METTL14: variants seen among roughly 807,000 people sequenced by gnomAD.
METTL14 encodes the protein methyltransferase 14, N6-adenosine-methyltransferase non-catalytic subunit.
In METTL14, 32 loss-of-function variants were observed where a neutral mutation model predicts 62.4. The ratio of observed to expected loss-of-function variants is 0.51; its 90% CI spans 0.39 to 0.69. METTL14 has a LOEUF of 0.69. Among genes scored for constraint, METTL14 ranks in the 30% least tolerant of loss-of-function variants. The pLI, the probability that METTL14 is intolerant of heterozygous loss-of-function variation, is 0.00. For missense variants in METTL14, 340 were observed against 551.9 expected (o/e 0.62, Z 3.85); for synonymous variants, 150 against 180.0 (o/e 0.83, Z 1.34).
intron 2 of METTL14, 28 bp downstream of exon 2, chr4:118,688,039 T>A: frequency 6.4e-7 from 1 of 1,569,656 alleles, no homozygotes; most frequent in East Asian, 2.2e-5. Flanking sequence ...TTTTTTTTTT[T>A]TTTTTGAGAC....
At chr4:118,699,919 A>AC (rs1463346211) in intron 7 of METTL14, among the ~76,000 whole-genome samples, 1 of 152,148 alleles carries the variant, frequency 6.6e-6, no homozygotes, top group Non-Finnish European at 1.5e-5. Flanking sequence ...TTTGGGTTTC[A>AC]CAGGTATTCT....
chr4:118,700,278 T>G (rs897299810), intron 7 of METTL14, among the ~76,000 whole-genome samples: 4 of 152,194 alleles, frequency 2.6e-5, no homozygotes, highest in African/African-American at 9.6e-5. Flanking sequence ...TGCATAAGTC[T>G]ATAGCTATTG....
At chr4:118,685,696 A>G (rs1579062185) in intron 1 of METTL14, 96 bp downstream of exon 1, 2 of 1,047,862 alleles carry the variant, frequency 1.9e-6, no homozygotes, top group Admixed American at 2.0e-5. Context: ...TCCCTTCTCT[A>G]CCTGCCGCTG....
rs1403903351 is a variant in METTL14 at position 118,713,344 on chromosome 4, C to A, written c.*3042C>A. 1 of 152,176 alleles carries A rather than the reference C, an allele frequency of 6.6e-6. No homozygotes were observed. Among genetic ancestry groups the A allele is most frequent in the Non-Finnish European group, 1.5e-5 (1 of 68,044 alleles). The allele number at this position is 152,176 out of a possible 1,614,324, so 9.4% of individuals were successfully genotyped here. ...TCACAGCTGCTACTAGGAGTTACTC[C>A]TTTTCATGTCTTTTAAAATACTTTC... is the stretch of plus-strand genomic sequence containing the variant. On this transcript the variant is annotated 3_prime_UTR_variant, in exon 11 of 11. Coordinates refer to ENST00000388822, the MANE Select transcript of METTL14 (RefSeq NM_020961.4).
intron 2 of METTL14, 36 bp from the exon 3 acceptor site, chr4:118,689,334 A>G (rs201359998): frequency 1.1e-5 from 13 of 1,135,208 alleles, no homozygotes; most frequent in Admixed American, 8.7e-5. Flanking sequence ...TACATCTTGT[A>G]TATATTTATG....
chr4:118,705,315 A>T (rs185244211), intron 9 of METTL14, among the ~76,000 whole-genome samples: 1 of 152,206 alleles, frequency 6.6e-6, no homozygotes, highest in Admixed American at 6.5e-5. Context: ...TCTTTACAAA[A>T]AATTTAAAAA....
At chr4:118,687,843 A>T in intron 1 of METTL14, 80 bp from the exon 2 acceptor site, 1 of 1,058,090 alleles carries the variant, frequency 9.5e-7, no homozygotes. Context: ...TAAGTATTTA[A>T]TGTATTAAAT....
At position 118,703,896 on chromosome 4, in the gene METTL14, T is replaced by C. The variant is rs762883581; in HGVS notation, c.739-39T>C. On this transcript the variant is annotated intron_variant, in intron 8 of 10. Transcript: ENST00000388822. ...TATTGTTAAGTATTGTTTATTTCTT[T>C]AAGTTAAGGATTTGTGTTTAAAATT... 11 of 1,196,942 alleles carry C rather than the reference T, an allele frequency of 9.2e-6. No homozygotes were observed. The South Asian group carries it at 1.3e-4, about 14-fold the overall frequency. 74.1% of individuals were successfully genotyped at this position (1,196,942 alleles called of 1,614,324 possible). A position where few individuals can be genotyped will look rare whatever the true frequency, so the allele number is the denominator to read the frequency against.
chr4:118,700,151 G>A (rs1579072567), intron 7 of METTL14, among the ~76,000 whole-genome samples: 1 of 151,868 alleles, frequency 6.6e-6, no homozygotes, highest in African/African-American at 2.4e-5. Flanking sequence ...AACATTTATT[G>A]TTATATTTTA....
In METTL14 at chr4:118,709,659, TA is replaced by T. The variant is rs1724860417; in HGVS notation, c.1067-336del. On this transcript the variant is annotated intron_variant, in intron 10 of 10. Coordinates refer to ENST00000388822, the MANE Select transcript of METTL14 (RefSeq NM_020961.4). ...TAATCAGAAAATGGCACCATTTACA[TA>T]AATAGGAAGATTATATATAATTTAT... is the stretch of plus-strand genomic sequence containing the variant. Among the ~76,000 whole-genome samples the T allele has an allele frequency of 3.3e-5, 5 of 152,182 alleles. No individual in the cohort carries two copies. The South Asian group carries it at 6.2e-4, about 19-fold the overall frequency.
chr4:118,691,664 C>T, intron 4 of METTL14, 52 bp downstream of exon 4: 2 of 885,662 alleles, frequency 2.3e-6, no homozygotes, highest in South Asian at 1.8e-5. Context: ...AAGTTCTATA[C>T]CTGAAAAGAT....
chr4:118,697,259 C>T lies in METTL14; in HGVS notation c.581C>T (p.Pro194Leu), dbSNP rs974315570. ...PKFDVILLEPPLEEYYRETGI... is the reference protein window; with the variant it reads ...PKFDVILLEPLLEEYYRETGI... ...TTTGATGTGATTCTTCTGGAACCCC[C>T]TTTAGAAGAATATTACAGAGAAACT... Residue 194 changes from proline (P) to leucine (L), a missense_variant, in exon 7 of 11, where the codon CCT becomes CTT. Coordinates refer to ENST00000388822, the MANE Select transcript of METTL14 (RefSeq NM_020961.4). The T allele has an allele frequency of 6.2e-7, 1 of 1,611,742 alleles. No individual in the cohort carries two copies. Among genetic ancestry groups the T allele is most frequent in the African/African-American group, 1.3e-5 (1 of 74,934 alleles).
At chr4:118,704,712 C>T (rs960969091) in intron 9 of METTL14, among the ~76,000 whole-genome samples, 1 of 152,086 alleles carries the variant, frequency 6.6e-6, no homozygotes, top group African/African-American at 2.4e-5. Context: ...GCATACTTTT[C>T]ATTATGTGTC....
Position 118,700,505 on chromosome 4 carries a change from G to A in METTL14, c.646-45G>A, listed in dbSNP as rs754973040. ...TTGTTCTTTTGGATTTAGGATGAAT[G>A]GGAAACAAAATACTTTTATGCAATA... On this transcript the variant is annotated intron_variant, in intron 7 of 10. Coordinates refer to ENST00000388822, the MANE Select transcript of METTL14 (RefSeq NM_020961.4). The A allele has an allele frequency of 2.0e-6, 3 of 1,469,720 alleles. No homozygotes were observed. The East Asian group carries it at 6.9e-5, about 34-fold the overall frequency. 91.0% of individuals were successfully genotyped at this position (1,469,720 alleles called of 1,614,324 possible).
At chr4:118,698,188 C>A (rs1039840476) in intron 7 of METTL14, among the ~76,000 whole-genome samples, 5 of 152,032 alleles carry the variant, frequency 3.3e-5, no homozygotes, top group Non-Finnish European at 7.4e-5. Flanking sequence ...GGTGTGGTGT[C>A]TCATGCCTGT....
rs900194962 is a variant in METTL14, at chr4:118,688,023, A to C, written c.155+12A>C. 1.3e-5 allele frequency: 21 copies of C among 1,558,170 alleles called. No homozygotes were observed. Among genetic ancestry groups the C allele is most frequent in the Non-Finnish European group, 1.8e-5 (21 of 1,139,464 alleles). ...AGAGAAACTTGCAGGTCAGTCAGAT[A>C]ATTCTTTTTTTTTTTTTTTTTGAGA... On this transcript the variant is annotated intron_variant, in intron 2 of 10. Transcript: ENST00000388822.
At chr4:118,687,596 C>A (rs13124091) in intron 1 of METTL14, among the ~76,000 whole-genome samples, 1 of 152,128 alleles carries the variant, frequency 6.6e-6, no homozygotes, top group East Asian at 1.9e-4. Context: ...AACACACTTA[C>A]AACGTTTATT....
intron 2 of METTL14, among the ~76,000 whole-genome samples, chr4:118,688,235 G>A (rs1243717689): frequency 6.6e-6 from 1 of 151,990 alleles, no homozygotes; most frequent in Non-Finnish European, 1.5e-5. Flanking sequence ...TCGGGAGTTC[G>A]AGGCCAGTCT....
In METTL14 at chr4:118,715,036, G is replaced by A. The variant is rs1306656830; in HGVS notation, c.*4734G>A. The A allele has an allele frequency of 6.6e-6, 1 of 152,250 alleles. No individual in the cohort carries two copies. The highest frequency in any genetic ancestry group is 1.5e-5 in the Non-Finnish European group (1 of 68,048). The allele number at this position is 152,250 out of a possible 1,614,324, so 9.4% of individuals were successfully genotyped here. A position where few individuals can be genotyped will look rare whatever the true frequency, so the allele number is the denominator to read the frequency against. On this transcript the variant is annotated 3_prime_UTR_variant, in exon 11 of 11. Coordinates refer to ENST00000388822, the MANE Select transcript of METTL14 (RefSeq NM_020961.4). ...TAGTTGGCTTACTTTGGAACACACA[G>A]TAGACTGAAAATGTGAACTAATACT...
Sources: allele counts gnomAD v4.1 joint callset (sites outside exome capture counted in the v4.1 genomes callset), GRCh38; gene constraint gnomAD v4.1.1; transcripts MANE v1.5; gene names NCBI Gene and HGNC (gene_info 2026-07-23, HGNC 2026-07-21).